RTTN: variants seen among roughly 807,000 people sequenced by gnomAD.
The protein encoded by RTTN is rotatin.
Under a neutral mutation model 269.2 loss-of-function variants are expected in RTTN, and 182 were observed. That is an observed-to-expected ratio of 0.68 (90% CI 0.60 to 0.76). RTTN has a LOEUF of 0.76. RTTN is among the 30% of genes least tolerant of loss of function. RTTN has a pLI of 0.00. For synonymous variants in RTTN, 1,006 were observed against 963.5 expected, an observed-to-expected ratio of 1.04 and a Z score of -0.82; for missense variants, 2,545 against 2,608.6, an observed-to-expected ratio of 0.98 and a Z score of 0.53.
chr18:70,150,724 C>G lies in RTTN; in HGVS notation c.1939G>C (p.Gly647Arg). ...CCLEITKECL[G>R]VHNVTKPVSS... ...ACGGGTTTAGTGACATTATGGACAC[C>G]TAAACATTCCTGTAAAATAATATTA... The change falls in exon 15 of 49, where the codon GGT (glycine) becomes CGT (arginine). Residue 647 changes from glycine to arginine, a missense_variant. Physicochemically the swap from Gly to Arg is moderately radical, Grantham distance 125. Transcript: ENST00000640769. The G allele has an allele frequency of 6.3e-7, 1 of 1,581,752 alleles. No homozygotes were observed.
intron 17 of RTTN, among the ~76,000 whole-genome samples, chr18:70,146,372 C>A (rs1258781696): frequency 1.3e-5 from 2 of 152,042 alleles, no homozygotes; most frequent in Non-Finnish European, 2.9e-5. Context: ...ATACTGTATG[C>A]CACTAAACAA....
chr18:70,150,575 C>G lies in RTTN; in HGVS notation c.2055+33G>C, dbSNP rs116715798. The G allele has an allele frequency of 1.0e-3, 1,623 of 1,598,960 alleles. 14 individuals carry two copies. The African/African-American group carries it at 0.018, about 18-fold the overall frequency. The stretch of plus-strand genomic sequence containing the variant: ...TTGATTTAGCTGAGTATCTAAGTTA[C>G]TGTAATATTTTCACTCATGTTTAAT... On this transcript the variant is annotated intron_variant, in intron 15 of 48. Transcript: ENST00000640769.
At chr18:70,204,296 CTG>C (rs763788725) in intron 2 of RTTN, 33 bp from the exon 3 acceptor site, 1 of 1,559,460 alleles carries the variant, frequency 6.4e-7, no homozygotes, top group South Asian at 1.2e-5. Flanking sequence ...TTGAGAATAA[CTG>C]TATCAAAATC....
chr18:70,024,497 C>T (rs955862736), intron 44 of RTTN, among the ~76,000 whole-genome samples: 13 of 152,210 alleles, frequency 8.5e-5, no homozygotes, highest in African/African-American at 3.1e-4. Context: ...CCAGTCCTCC[C>T]TCTCTATTCC....
chr18:70,127,339 A>G (rs2059890667), intron 25 of RTTN, among the ~76,000 whole-genome samples, 163 bp downstream of exon 25: 1 of 152,204 alleles, frequency 6.6e-6, no homozygotes, highest in Admixed American at 6.5e-5. Context: ...ACTAAATTAA[A>G]AATTTCTCTT....
chr18:70,072,821 C>G (rs1394204255), intron 34 of RTTN, among the ~76,000 whole-genome samples: 1 of 152,086 alleles, frequency 6.6e-6, no homozygotes, highest in Non-Finnish European at 1.5e-5. Context: ...TGGCATTTAT[C>G]ATATTACTGC....
intron 10 of RTTN, among the ~76,000 whole-genome samples, chr18:70,184,716 T>TGTGTGTGTG (rs1555776913): frequency 0.01 from 349 of 33,344 alleles, 5 homozygotes; most frequent in African/African-American, 0.018. Flanking sequence ...TTTTTTTTTT[T>TGTGTGTGTG]TGTGTGTGTG....
chr18:70,151,210 TTATA>T (rs1216896726), intron 14 of RTTN, among the ~76,000 whole-genome samples: 3 of 147,994 alleles, frequency 2.0e-5, no homozygotes, highest in Admixed American at 6.8e-5. Context: ...AATATACCTA[TTATA>T]TATAATTTTT....
chr18:70,087,485 C>T (rs1345824348), intron 31 of RTTN, among the ~76,000 whole-genome samples: 3 of 151,796 alleles, frequency 2.0e-5, no homozygotes, highest in Admixed American at 2.0e-4. Flanking sequence ...TTTCATAAGC[C>T]TCTAAGTACA....
At chr18:70,175,226 A>T (rs1261487263) in intron 11 of RTTN, among the ~76,000 whole-genome samples, 1 of 152,084 alleles carries the variant, frequency 6.6e-6, no homozygotes, top group African/African-American at 2.4e-5. Flanking sequence ...TTAAAAACTG[A>T]AAACACCAAA....
chr18:70,122,212 T>A (rs1599657523), intron 25 of RTTN, among the ~76,000 whole-genome samples: 1 of 152,064 alleles, frequency 6.6e-6, no homozygotes, highest in African/African-American at 2.4e-5. Context: ...AATTTCTTTT[T>A]AAGTTCAGAG....
chr18:70,095,658 C>G (rs919738685), intron 28 of RTTN, among the ~76,000 whole-genome samples: 2 of 152,124 alleles, frequency 1.3e-5, no homozygotes, highest in African/African-American at 4.8e-5. Flanking sequence ...TGAGAGAGAT[C>G]CGCTGGTAAG....
chr18:70,103,706 T>A (rs1319524937), intron 28 of RTTN, among the ~76,000 whole-genome samples: 5 of 143,178 alleles, frequency 3.5e-5, no homozygotes, highest in Non-Finnish European at 7.4e-5. Flanking sequence ...TATTATCCTA[T>A]GACCCTGCCA....
intron 44 of RTTN, 32 bp from the exon 45 acceptor site, chr18:70,020,849 C>T: frequency 6.4e-7 from 1 of 1,560,382 alleles, no homozygotes; most frequent in Non-Finnish European, 8.7e-7. Flanking sequence ...ACAATGTCTT[C>T]TCAGTTTCCC....
At chr18:70,052,607 T>C (rs986161525) in intron 38 of RTTN, among the ~76,000 whole-genome samples, 61 of 149,634 alleles carry the variant, frequency 4.1e-4, no homozygotes, top group Non-Finnish European at 8.3e-4. Context: ...TTTGCACCTA[T>C]ACTTGCTGAA....
rs1407011523 is a variant in RTTN at position 70,128,384 on chromosome 18, T to C, written c.3117A>G (p.Gln1039=). 11 of 1,612,586 alleles carry C rather than the reference T, an allele frequency of 6.8e-6. No homozygotes were observed. In the East Asian group the frequency reaches 2.5e-4, roughly 36 times the overall value. ...CTTGCGTTTTAGTTTCAGAGTTCAT[T>C]TGCTTCAACAGATTATCACTCCCAT... The part of the protein sequence containing the change: ...WYHGSDNLLK[Q]MNSETKTQEI... Residue 1039 remains glutamine, a synonymous_variant, in exon 24 of 49, where the codon CAA becomes CAG. Transcript: ENST00000640769.
Position 70,199,048 on chromosome 18 carries a change from G to A in RTTN, c.578+366C>T, listed in dbSNP as rs117667590. 1.4e-4 allele frequency among the ~76,000 whole-genome samples: 21 copies of A among 152,242 alleles called. No homozygotes were observed. In the South Asian group the frequency reaches 4.4e-3, roughly 32 times the overall value. On this transcript the variant is annotated intron_variant, in intron 5 of 48. Transcript: ENST00000640769. ...CTAAAAATACAAAAATTAGCTCAGC[G>A]TGGTGGTGCGTGCCTGTAATTCCAG... is the stretch of plus-strand genomic sequence containing the variant.
intron 47 of RTTN, 199 bp downstream of exon 47, chr18:70,006,182 C>T (rs2056179890): frequency 2.1e-6 from 1 of 482,018 alleles, no homozygotes. Flanking sequence ...CTGAGACATT[C>T]TGTTGAAATG....
chr18:70,056,141 T>C (rs1326072477), intron 37 of RTTN, among the ~76,000 whole-genome samples: 3 of 152,248 alleles, frequency 2.0e-5, no homozygotes, highest in Non-Finnish European at 4.4e-5. Context: ...GGAGAGATGC[T>C]CATCTGCTTT....
Sources: gnomAD v4.1 joint callset for allele counts (sites outside exome capture counted in the v4.1 genomes callset) on GRCh38, gnomAD v4.1.1 for gene constraint, MANE v1.5 for transcripts, NCBI Gene and HGNC (gene_info 2026-07-23, HGNC 2026-07-21) for gene names.